SUPT3H: variants seen among roughly 807,000 people sequenced by gnomAD.
SUPT3H encodes the protein transcription initiation protein SPT3 homolog.
A neutral mutation model predicts 44.3 loss-of-function variants in SUPT3H; 44 were observed. That is an observed-to-expected ratio of 0.99 (90% CI 0.78 to 1.28). The LOEUF (loss-of-function observed/expected upper bound fraction) is 1.28. Ranked by LOEUF, SUPT3H falls within the 50% of genes most tolerant of loss-of-function variation. SUPT3H has a pLI of 0.00. For missense variants in SUPT3H, 380 were observed against 387.1 expected, an observed-to-expected ratio of 0.98 and a Z score of 0.15; for synonymous variants, 124 against 125.6, an observed-to-expected ratio of 0.99 and a Z score of 0.09.
At chr6:45,051,570 G>C (rs1201492200) in intron 3 of SUPT3H, among the ~76,000 whole-genome samples, 1 of 151,282 alleles carries the variant, frequency 6.6e-6, no homozygotes, top group Non-Finnish European at 1.5e-5. Context: ...TATATCACAG[G>C]ACAGTATTAA....
At chr6:44,861,402 T>C (rs1285840598) in intron 10 of SUPT3H, among the ~76,000 whole-genome samples, 2 of 152,058 alleles carry the variant, frequency 1.3e-5, no homozygotes, top group Non-Finnish European at 2.9e-5. Flanking sequence ...TTTGTTTTTT[T>C]TTGAGAAGGA....
At chr6:45,212,325 C>G (rs1284967) in intron 2 of SUPT3H, among the ~76,000 whole-genome samples, 132,522 of 152,138 alleles carry the variant, frequency 0.87, 57,955 homozygotes, top group African/African-American at 0.92. Flanking sequence ...AATTTTACTT[C>G]TTTTCATTCT....
intron 2 of SUPT3H, among the ~76,000 whole-genome samples, chr6:45,246,868 CA>C (rs1284308588): frequency 1.3e-5 from 2 of 152,130 alleles, no homozygotes; most frequent in Admixed American, 1.3e-4. Flanking sequence ...ATTAATTACA[CA>C]TATTAGAAAA....
At chr6:44,822,096 A>G (rs1224545581), downstream of SUPT3H, among the ~76,000 whole-genome samples, 1 of 152,204 alleles carries the variant, frequency 6.6e-6, no homozygotes, top group Admixed American at 6.5e-5. Flanking sequence ...GGCAAAATAT[A>G]CTTTATTGAA....
At chr6:44,901,735 G>A (rs1765098038) in intron 10 of SUPT3H, among the ~76,000 whole-genome samples, 1 of 151,488 alleles carries the variant, frequency 6.6e-6, no homozygotes, top group Non-Finnish European at 1.5e-5. Flanking sequence ...ATTCACCAAA[G>A]TTGAAATGAA....
intron 2 of SUPT3H, among the ~76,000 whole-genome samples, chr6:45,128,403 G>A (rs890099176): frequency 2.0e-5 from 3 of 148,268 alleles, no homozygotes; most frequent in South Asian, 2.2e-4. Flanking sequence ...TACTCAGGAG[G>A]CTGAGGCAGG....
At chr6:45,356,169 A>G (rs1793128875) in intron 2 of SUPT3H, among the ~76,000 whole-genome samples, 1 of 152,188 alleles carries the variant, frequency 6.6e-6, no homozygotes, top group Non-Finnish European at 1.5e-5. Flanking sequence ...AAACTTTCTA[A>G]TGACTACAAC....
chr6:45,222,513 TG>T (rs1394515237), intron 2 of SUPT3H, among the ~76,000 whole-genome samples: 2 of 152,014 alleles, frequency 1.3e-5, no homozygotes, highest in Non-Finnish European at 2.9e-5. Flanking sequence ...ACCATCAGAA[TG>T]GCTAAAATTT....
chr6:45,323,006 C>A, intron 2 of SUPT3H: 1 of 1,277,762 alleles, frequency 7.8e-7, no homozygotes, highest in Non-Finnish European at 1.1e-6. Flanking sequence ...AGCAAATCAT[C>A]CTTAATAGAG....
chr6:44,918,854 G>A (rs187868323), intron 10 of SUPT3H, among the ~76,000 whole-genome samples: 1 of 152,310 alleles, frequency 6.6e-6, no homozygotes. Flanking sequence ...CCAGATGCGG[G>A]TGTACAAAAA....
chr6:45,129,146 G>A (rs200201017), intron 2 of SUPT3H, among the ~76,000 whole-genome samples: 1 of 152,190 alleles, frequency 6.6e-6, no homozygotes, highest in Non-Finnish European at 1.5e-5. Flanking sequence ...AAGTTTTATA[G>A]AGCAGAAAAC....
intron 2 of SUPT3H, among the ~76,000 whole-genome samples, chr6:45,189,671 A>G (rs975825706): frequency 1.3e-5 from 2 of 152,154 alleles, no homozygotes; most frequent in African/African-American, 4.8e-5. Flanking sequence ...AAAATCAAAG[A>G]GGAAGTCCTC....
At chr6:44,969,826 G>T (rs1777314450) in intron 6 of SUPT3H, among the ~76,000 whole-genome samples, 1 of 152,128 alleles carries the variant, frequency 6.6e-6, no homozygotes, top group Admixed American at 6.5e-5. Context: ...TTTCCCCAGA[G>T]TGGCATTCAT....
intron 3 of SUPT3H, among the ~76,000 whole-genome samples, chr6:45,102,542 A>AC (rs1329811803): frequency 5.9e-5 from 9 of 152,170 alleles, no homozygotes; most frequent in African/African-American, 2.2e-4. Context: ...TGCAAAAAAA[A>AC]CCCCAAAAGA....
chr6:45,248,588 C>T (rs1452000994), intron 2 of SUPT3H, among the ~76,000 whole-genome samples: 3 of 152,062 alleles, frequency 2.0e-5, no homozygotes, highest in Admixed American at 2.0e-4. Context: ...AAAAAACTGG[C>T]AATGCGAAGT....
chr6:45,201,926 A>G (rs1762512568), intron 2 of SUPT3H, among the ~76,000 whole-genome samples: 1 of 151,940 alleles, frequency 6.6e-6, no homozygotes, highest in Admixed American at 6.6e-5. Flanking sequence ...AGCCCATAAA[A>G]TGTACATTTT....
chr6:44,906,516 C>T (rs943547394), intron 10 of SUPT3H, among the ~76,000 whole-genome samples: 2 of 152,116 alleles, frequency 1.3e-5, no homozygotes, highest in African/African-American at 2.4e-5. Context: ...GTAATCGCAG[C>T]GCTTTGGGAG....
intron 2 of SUPT3H, among the ~76,000 whole-genome samples, chr6:45,145,784 C>A (rs887008559): frequency 6.6e-6 from 1 of 151,896 alleles, no homozygotes; most frequent in Non-Finnish European, 1.5e-5. Flanking sequence ...GGACTAATAT[C>A]GAGAATCTAC....
At chr6:44,940,452 T>C (rs1300861436) in intron 9 of SUPT3H, among the ~76,000 whole-genome samples, 1 of 152,098 alleles carries the variant, frequency 6.6e-6, no homozygotes, top group African/African-American at 2.4e-5. Context: ...TGGCCTAACA[T>C]GTGATATCTA....
Sources: allele counts gnomAD v4.1 joint callset (sites outside exome capture counted in the v4.1 genomes callset), GRCh38; gene constraint gnomAD v4.1.1; transcripts MANE v1.5; gene names NCBI Gene and HGNC (gene_info 2026-07-23, HGNC 2026-07-21).